PPP6R3: variants seen among roughly 807,000 people sequenced by gnomAD.
PPP6R3 encodes the protein serine/threonine-protein phosphatase 6 regulatory subunit 3.
In PPP6R3, 38 loss-of-function variants were observed where a neutral mutation model predicts 110.7. The ratio of observed to expected loss-of-function variants is 0.34; its 90% CI spans 0.26 to 0.45. The LOEUF is 0.45. Ranked by LOEUF, PPP6R3 falls within the 20% of genes least tolerant of loss-of-function variation. PPP6R3 has a pLI of 1.00. For missense variants in PPP6R3, 870 were observed against 1,062.4 expected (o/e 0.82, Z 2.52); for synonymous variants, 369 against 373.5 (o/e 0.99, Z 0.14).
At position 68,601,964 on chromosome 11, in the gene PPP6R3, C is replaced by G. The variant is rs765705942; in HGVS notation, c.2294C>G (p.Pro765Arg). ...TPSAAALAVQ[P>R]EAAGSVAMEA... ...AGTGCGGCTGCCCTGGCAGTGCAGCCAGAAGGTGCGTGCAGAGAGGCCTGG... is the reference window on the plus strand; with the variant it reads ...AGTGCGGCTGCCCTGGCAGTGCAGCGAGAAGGTGCGTGCAGAGAGGCCTGG... Residue 765 changes from proline to arginine, a missense_variant, in exon 21 of 24, where the codon CCA becomes CGA. Transcript: ENST00000393800. 1 of 1,611,510 alleles carries G rather than the reference C, an allele frequency of 6.2e-7. No homozygotes were observed. Among genetic ancestry groups the G allele is most frequent in the South Asian group, 1.1e-5 (1 of 90,614 alleles).
At chr11:68,590,535 G>GT in intron 16 of PPP6R3, 125 bp from the exon 17 acceptor site, 1 of 1,108,154 alleles carries the variant, frequency 9.0e-7, no homozygotes, top group Non-Finnish European at 1.2e-6. Flanking sequence ...GTTTCTGTTT[G>GT]TTTTTTATTT....
At chr11:68,528,586 T>C (rs2099215740) in intron 2 of PPP6R3, among the ~76,000 whole-genome samples, 1 of 152,228 alleles carries the variant, frequency 6.6e-6, no homozygotes, top group Non-Finnish European at 1.5e-5. Flanking sequence ...TTGTGTTCCA[T>C]GTTTCTGCCC....
intron 22 of PPP6R3, among the ~76,000 whole-genome samples, chr11:68,606,434 C>T (rs1939938973): frequency 6.6e-6 from 1 of 151,492 alleles, no homozygotes; most frequent in Non-Finnish European, 1.5e-5. Flanking sequence ...GTAACTGGGA[C>T]TAGGACTACA....
At chr11:68,579,203 G>A (rs562060944) in intron 14 of PPP6R3, among the ~76,000 whole-genome samples, 3 of 152,256 alleles carry the variant, frequency 2.0e-5, no homozygotes, top group South Asian at 2.1e-4. Context: ...GATGCTGGGG[G>A]TCCTCAGTGG....
At chr11:68,574,948 A>AT (rs1033426576) in intron 13 of PPP6R3, among the ~76,000 whole-genome samples, 1 of 152,094 alleles carries the variant, frequency 6.6e-6, no homozygotes, top group Non-Finnish European at 1.5e-5. Context: ...TGGGTCTTCC[A>AT]TTTTTTCTTA....
At chr11:68,497,139 C>T (rs1464366935) in intron 1 of PPP6R3, among the ~76,000 whole-genome samples, 7 of 151,300 alleles carry the variant, frequency 4.6e-5, no homozygotes, top group Non-Finnish European at 7.4e-5. Context: ...CTCCGCCTCC[C>T]GGGTTCACGC....
At chr11:68,478,073 C>T (rs1333931318) in intron 1 of PPP6R3, among the ~76,000 whole-genome samples, 1 of 151,934 alleles carries the variant, frequency 6.6e-6, no homozygotes, top group Non-Finnish European at 1.5e-5. Flanking sequence ...CCTCAGCCTC[C>T]CAAGTAGCTG....
chr11:68,588,144 T>C, intron 16 of PPP6R3, 120 bp downstream of exon 16: 1 of 839,882 alleles, frequency 1.2e-6, no homozygotes, highest in South Asian at 1.5e-5. Context: ...ACCTGCTCTT[T>C]CCACGGTGTT....
At chr11:68,563,651 G>T (rs1055340687) in intron 8 of PPP6R3, among the ~76,000 whole-genome samples, 18 of 152,222 alleles carry the variant, frequency 1.2e-4, no homozygotes, top group African/African-American at 4.3e-4. Flanking sequence ...GCAACTGGAA[G>T]TCACACACAT....
chr11:68,550,767 T>G (rs1045937769), intron 5 of PPP6R3, among the ~76,000 whole-genome samples: 7 of 152,232 alleles, frequency 4.6e-5, no homozygotes, highest in African/African-American at 1.7e-4. Flanking sequence ...ACAGAAAATG[T>G]ATAAATTCCA....
chr11:68,490,718 C>T lies in PPP6R3; in HGVS notation c.-157-28783C>T, dbSNP rs547414244. 1.1e-3 allele frequency among the ~76,000 whole-genome samples: 167 copies of T among 151,806 alleles called. 1 individual carries two copies. The South Asian group carries it at 0.019, about 17-fold the overall frequency. On this transcript the variant is annotated intron_variant, in intron 1 of 23. Coordinates refer to ENST00000393800, the MANE Select transcript of PPP6R3 (RefSeq NM_001164161.2). ...CTAATGCTCAGATTCTTTCTTCAGC[C>T]GTGTTTAGCCTACTGATAGATCCAC... is the stretch of plus-strand genomic sequence containing the variant.
intron 22 of PPP6R3, chr11:68,609,454 G>C: frequency 1.2e-6 from 1 of 858,640 alleles, no homozygotes; most frequent in East Asian, 2.6e-5. Flanking sequence ...TTTAACTAAA[G>C]ACTCATTCCT....
At chr11:68,510,320 C>A (rs146037489) in intron 1 of PPP6R3, among the ~76,000 whole-genome samples, 2 of 152,168 alleles carry the variant, frequency 1.3e-5, no homozygotes, top group Non-Finnish European at 2.9e-5. Flanking sequence ...ACATTTAATA[C>A]CTCTTCCCAG....
At chr11:68,463,355 G>GAAAAAA (rs1156285158) in intron 1 of PPP6R3, among the ~76,000 whole-genome samples, 8 of 54,602 alleles carry the variant, frequency 1.5e-4, no homozygotes, top group Non-Finnish European at 2.1e-4. Flanking sequence ...CTCAGTCTCA[G>GAAAAAA]AAAAAAAAAA....
intron 1 of PPP6R3, among the ~76,000 whole-genome samples, chr11:68,495,582 A>G (rs1049057135): frequency 6.6e-6 from 1 of 152,220 alleles, no homozygotes; most frequent in Non-Finnish European, 1.5e-5. Context: ...ATGGAATCAT[A>G]CAAACGTGGT....
At chr11:68,514,441 T>G (rs1437651584) in intron 1 of PPP6R3, among the ~76,000 whole-genome samples, 3 of 152,198 alleles carry the variant, frequency 2.0e-5, no homozygotes, top group Non-Finnish European at 4.4e-5. Context: ...CTCATGACTG[T>G]TAGTCTACCC....
At chr11:68,593,071 T>C (rs562229002) in intron 18 of PPP6R3, among the ~76,000 whole-genome samples, 2 of 152,342 alleles carry the variant, frequency 1.3e-5, no homozygotes, top group African/African-American at 4.8e-5. Flanking sequence ...ATTTCAGTTG[T>C]ACAGTGTGGA....
intron 14 of PPP6R3, among the ~76,000 whole-genome samples, chr11:68,581,683 C>T (rs1228736491): frequency 3.9e-5 from 6 of 152,214 alleles, no homozygotes; most frequent in African/African-American, 1.4e-4. Context: ...TCCCACTCCT[C>T]CTCTACACTC....
intron 15 of PPP6R3, among the ~76,000 whole-genome samples, chr11:68,585,994 T>C (rs936864759): frequency 6.6e-6 from 1 of 152,036 alleles, no homozygotes; most frequent in Non-Finnish European, 1.5e-5. Context: ...CTGGCTGCGA[T>C]GGCATGCACC....
Sources: allele counts gnomAD v4.1 joint callset (sites outside exome capture counted in the v4.1 genomes callset), GRCh38; gene constraint gnomAD v4.1.1; transcripts MANE v1.5; gene names NCBI Gene and HGNC (gene_info 2026-07-23, HGNC 2026-07-21).